The following ERC2 variants were observed in gnomAD, a reference collection of about 807,000 sequenced individuals.
ERC2 encodes ERC protein 2.
A neutral mutation model predicts 114.8 loss-of-function variants in ERC2; 42 were observed. That is an observed-to-expected ratio of 0.37 (90% CI 0.29 to 0.47). The LOEUF (loss-of-function observed/expected upper bound fraction) is 0.47. Ranked by LOEUF, ERC2 falls within the 20% of genes least tolerant of loss-of-function variation. The pLI, the probability that ERC2 is intolerant of heterozygous loss-of-function variation, is 0.99. For missense variants in ERC2, 939 were observed against 1,150.7 expected (o/e 0.82, Z 2.66); for synonymous variants, 454 against 425.5 (o/e 1.07, Z -0.82).
At chr3:56,428,946 G>T (rs1048048154) in intron 2 of ERC2, among the ~76,000 whole-genome samples, 2 of 152,148 alleles carry the variant, frequency 1.3e-5, no homozygotes, top group South Asian at 2.1e-4. Flanking sequence ...TTCATGCAGA[G>T]CCTTGGCTAG....
chr3:55,959,075 T>G (rs1415697668), intron 12 of ERC2, among the ~76,000 whole-genome samples: 1 of 152,084 alleles, frequency 6.6e-6, no homozygotes, highest in African/African-American at 2.4e-5. Context: ...ACTGCAGCCA[T>G]CAAGAGCCTG....
At chr3:56,444,547 T>C (rs998390094) in intron 1 of ERC2, among the ~76,000 whole-genome samples, 1 of 152,162 alleles carries the variant, frequency 6.6e-6, no homozygotes, top group Non-Finnish European at 1.5e-5. Context: ...TAGGAATTCA[T>C]AAATAAGATA....
intron 17 of ERC2, among the ~76,000 whole-genome samples, chr3:55,676,151 G>A (rs1444326488): frequency 6.6e-6 from 1 of 151,598 alleles, no homozygotes; most frequent in Admixed American, 6.6e-5. Context: ...TTGAACTCCT[G>A]ACCTCAAGTG....
intron 14 of ERC2, among the ~76,000 whole-genome samples, chr3:55,877,818 T>G (rs1446830999): frequency 6.6e-6 from 1 of 152,156 alleles, no homozygotes; most frequent in Non-Finnish European, 1.5e-5. Flanking sequence ...GGATTTGATG[T>G]GTGATTCCTC....
At chr3:55,906,370 T>G (rs957586765) in intron 13 of ERC2, among the ~76,000 whole-genome samples, 16 of 143,298 alleles carry the variant, frequency 1.1e-4, no homozygotes, top group Non-Finnish European at 1.6e-4. Context: ...AGGCGGAGCT[T>G]GCAGTGAGCC....
At chr3:55,779,132 TAGA>T (rs916412943) in intron 14 of ERC2, among the ~76,000 whole-genome samples, 3 of 152,068 alleles carry the variant, frequency 2.0e-5, no homozygotes, top group African/African-American at 7.2e-5. Context: ...GAGCATTTAA[TAGA>T]AGAATACTTT....
chr3:56,314,973 T>C (rs2056793991), intron 2 of ERC2, among the ~76,000 whole-genome samples: 1 of 152,184 alleles, frequency 6.6e-6, no homozygotes, highest in East Asian at 1.9e-4. Flanking sequence ...AGTTTCAGGG[T>C]ATGTGCAACA....
intron 17 of ERC2, among the ~76,000 whole-genome samples, chr3:55,585,288 T>C (rs1365694203): frequency 6.6e-6 from 1 of 152,216 alleles, no homozygotes; most frequent in Non-Finnish European, 1.5e-5. Flanking sequence ...GGGGCCTCCA[T>C]CTGGTCTCCT....
At chr3:56,028,614 G>A (rs2074190741) in intron 7 of ERC2, among the ~76,000 whole-genome samples, 1 of 152,010 alleles carries the variant, frequency 6.6e-6, no homozygotes, top group Non-Finnish European at 1.5e-5. Flanking sequence ...ATATTCTGTT[G>A]TTAGTATATA....
chr3:55,533,246 G>T (rs888814950), intron 17 of ERC2, among the ~76,000 whole-genome samples: 4 of 152,216 alleles, frequency 2.6e-5, no homozygotes, highest in Non-Finnish European at 5.9e-5. Context: ...TGGCAACAGA[G>T]GCTGAGTCCA....
chr3:56,272,273 A>G (rs1033798087), intron 3 of ERC2, among the ~76,000 whole-genome samples: 12 of 152,210 alleles, frequency 7.9e-5, no homozygotes, highest in African/African-American at 2.9e-4. Context: ...TGAACAAAAA[A>G]AGTAGATTTT....
intron 17 of ERC2, among the ~76,000 whole-genome samples, chr3:55,664,599 TAG>T: frequency 6.6e-6 from 1 of 152,044 alleles, no homozygotes; most frequent in African/African-American, 2.4e-5. Context: ...GATCAGGAGG[TAG>T]AAGTAATGGT....
At chr3:56,433,136 G>A (rs1158543631) in intron 2 of ERC2, among the ~76,000 whole-genome samples, 2 of 148,378 alleles carry the variant, frequency 1.3e-5, no homozygotes, top group African/African-American at 5.0e-5. Context: ...TATGATCAAC[G>A]TCACTACACT....
intron 11 of ERC2, 126 bp downstream of exon 11, chr3:55,991,931 C>A: frequency 1.2e-6 from 1 of 812,620 alleles, no homozygotes. Context: ...GGCCATATTC[C>A]TCATTTATGA....
intron 17 of ERC2, among the ~76,000 whole-genome samples, chr3:55,637,586 G>T (rs1395525992): frequency 6.6e-6 from 1 of 152,166 alleles, no homozygotes; most frequent in East Asian, 1.9e-4. Context: ...CCAAGTCTCT[G>T]CCCCTGGGTG....
chr3:56,452,029 G>A (rs775602300), intron 1 of ERC2, among the ~76,000 whole-genome samples: 1 of 152,144 alleles, frequency 6.6e-6, no homozygotes, highest in Non-Finnish European at 1.5e-5. Flanking sequence ...AACTAAGGAG[G>A]GAAGTCAGAT....
At chr3:56,237,626 G>GCCTC (rs2051039574) in intron 3 of ERC2, among the ~76,000 whole-genome samples, 1 of 152,142 alleles carries the variant, frequency 6.6e-6, no homozygotes, top group South Asian at 2.1e-4. Flanking sequence ...CACCAACCTG[G>GCCTC]CCTCCTCAGC....
At chr3:56,085,439 A>G (rs930664829) in intron 6 of ERC2, among the ~76,000 whole-genome samples, 2 of 152,194 alleles carry the variant, frequency 1.3e-5, no homozygotes, top group Non-Finnish European at 2.9e-5. Flanking sequence ...GATTCTTCAA[A>G]TAGCTGATAG....
At chr3:55,740,919 G>A (rs1211390577) in intron 14 of ERC2, among the ~76,000 whole-genome samples, 3 of 152,058 alleles carry the variant, frequency 2.0e-5, no homozygotes, top group South Asian at 2.1e-4. Flanking sequence ...TCATTGCAGC[G>A]TTCTGGATTT....
Sources: allele counts gnomAD v4.1 joint callset (sites outside exome capture counted in the v4.1 genomes callset), GRCh38; gene constraint gnomAD v4.1.1; transcripts MANE v1.5; gene names NCBI Gene and HGNC (gene_info 2026-07-23, HGNC 2026-07-21).